SMG6: variants seen among roughly 807,000 people sequenced by gnomAD.
The protein encoded by SMG6 is SMG6 nonsense mediated mRNA decay factor.
A neutral mutation model predicts 142.2 loss-of-function variants in SMG6; 66 were observed. That is an observed-to-expected ratio of 0.46 (90% CI 0.38 to 0.57). The LOEUF is 0.57. Ranked by LOEUF, SMG6 falls within the 20% of genes least tolerant of loss-of-function variation. The pLI is 0.00. For synonymous variants in SMG6, 779 were observed against 702.4 expected (o/e 1.11, Z -1.72); for missense variants, 1,793 against 1,832.0 (o/e 0.98, Z 0.39).
Position 2,299,810 on chromosome 17 carries a change from A to C in SMG6, c.943T>G (p.Leu315Val). 1 of 1,614,110 alleles carries C rather than the reference A, an allele frequency of 6.2e-7. No individual in the cohort carries two copies. The highest frequency in any genetic ancestry group is 8.5e-7 in the Non-Finnish European group (1 of 1,180,014). The change falls in exon 2 of 19, where the codon TTA becomes GTA. Residue 315 changes from leucine to valine, a missense_variant. Transcript: ENST00000263073. The surrounding 1 kb of genome is among the most constrained non-coding windows in gnomAD (Gnocchi z 4.3). ...DEDRIDEPDG[L>V]GPRRSSERKR... Reference sequence around the variant, plus strand: ...CTTTCTGAACTTCTCCTGGGTCCTAATCCATCAGGCTCATCAATTCTGTCC... The same window carrying C: ...CTTTCTGAACTTCTCCTGGGTCCTACTCCATCAGGCTCATCAATTCTGTCC...
chr17:2,159,674 T>C (rs762476507), intron 13 of SMG6, among the ~76,000 whole-genome samples: 3 of 152,198 alleles, frequency 2.0e-5, no homozygotes, highest in Non-Finnish European at 2.9e-5. Context: ...CCTGGATATT[T>C]ATCCAAGAGA....
chr17:2,214,044 G>A (rs1282950655), intron 10 of SMG6: 1 of 152,416 alleles, frequency 6.6e-6, no homozygotes, highest in Admixed American at 6.5e-5. Context: ...GGATGATGGG[G>A]AGAGGACCGG....
At chr17:2,161,831 T>C (rs570294571) in intron 13 of SMG6, among the ~76,000 whole-genome samples, 1 of 152,326 alleles carries the variant, frequency 6.6e-6, no homozygotes, top group South Asian at 2.1e-4. Flanking sequence ...GAGGGAAAGA[T>C]GCTGATAAAT....
chr17:2,206,960 G>T (rs1021175455), intron 10 of SMG6, among the ~76,000 whole-genome samples: 10 of 151,078 alleles, frequency 6.6e-5, no homozygotes, highest in Admixed American at 2.0e-4. Context: ...TTTTTAAAAA[G>T]ATCTATAAAA....
intron 8 of SMG6, among the ~76,000 whole-genome samples, chr17:2,248,453 G>A (rs117542951): frequency 1.6e-3 from 251 of 152,240 alleles, no homozygotes; most frequent in East Asian, 4.6e-3. Flanking sequence ...CAAGAGGTTT[G>A]GAACATCTGT....
At chr17:2,193,336 G>A (rs1238255348) in intron 10 of SMG6, among the ~76,000 whole-genome samples, 1 of 152,196 alleles carries the variant, frequency 6.6e-6, no homozygotes, top group Non-Finnish European at 1.5e-5. Context: ...AAGCCGAAAT[G>A]CTTCCTGTAC....
intron 8 of SMG6, among the ~76,000 whole-genome samples, chr17:2,245,905 C>T (rs2151304163): frequency 6.6e-6 from 1 of 152,290 alleles, no homozygotes; most frequent in East Asian, 1.9e-4. Context: ...GTCTCAAAAT[C>T]CTGGGCTCAA....
chr17:2,126,556 C>A (rs1162380892), intron 13 of SMG6, among the ~76,000 whole-genome samples: 2 of 151,742 alleles, frequency 1.3e-5, no homozygotes, highest in Non-Finnish European at 2.9e-5. Flanking sequence ...GAAACCCCAT[C>A]TCTACTAAAA....
chr17:2,282,929 G>C (rs2074822610), intron 7 of SMG6, 70 bp from the exon 8 acceptor site: 5 of 1,487,696 alleles, frequency 3.4e-6, no homozygotes, highest in African/African-American at 2.8e-5. Context: ...CCAGCACTTA[G>C]AGATGCGGAG....
At chr17:2,204,903 C>T (rs1027225927) in intron 10 of SMG6, among the ~76,000 whole-genome samples, 1 of 152,022 alleles carries the variant, frequency 6.6e-6, no homozygotes, top group South Asian at 2.1e-4. Flanking sequence ...GCAAAAGTTG[C>T]AGTGAGCTGA....
Position 2,188,381 on chromosome 17 carries a change from G to A in SMG6, c.2986+18C>T. On this transcript the variant is annotated intron_variant, in intron 11 of 18. Coordinates refer to ENST00000263073, the MANE Select transcript of SMG6 (RefSeq NM_017575.5). ...GGCAACTGGAAAGCCCACCAGGCTG[G>A]GGACTCCTCCTGCTTACCTTTGGCG... 6.2e-7 allele frequency: 1 copy of A among 1,609,774 alleles called. No individual in the cohort carries two copies. Among genetic ancestry groups the A allele is most frequent in the Non-Finnish European group, 8.5e-7 (1 of 1,176,372 alleles).
chr17:2,200,694 A>G (rs71359149), intron 10 of SMG6, among the ~76,000 whole-genome samples: 5,146 of 152,134 alleles, frequency 0.034, 139 homozygotes, highest in South Asian at 0.13. Context: ...ACACACATAC[A>G]CACAATTTAA....
chr17:2,087,506 A>G (rs916837175), intron 13 of SMG6: 88 of 1,045,368 alleles, frequency 8.4e-5, no homozygotes, highest in Non-Finnish European at 9.8e-5. Context: ...TCTCAAGCTA[A>G]GTACTTTGAC....
intron 13 of SMG6, among the ~76,000 whole-genome samples, chr17:2,152,452 G>A (rs1487169133): frequency 1.3e-5 from 2 of 152,152 alleles, no homozygotes; most frequent in Non-Finnish European, 2.9e-5. Flanking sequence ...CAATGCATTT[G>A]TACCTGACAA....
At chr17:2,217,135 T>C (rs975467318) in intron 10 of SMG6, among the ~76,000 whole-genome samples, 10 of 152,330 alleles carry the variant, frequency 6.6e-5, no homozygotes, top group South Asian at 2.1e-4. Context: ...GTTAAGTAAT[T>C]TGCATAACAC....
At chr17:2,233,893 G>A (rs1441092626) in intron 10 of SMG6, among the ~76,000 whole-genome samples, 1 of 152,182 alleles carries the variant, frequency 6.6e-6, no homozygotes, top group East Asian at 1.9e-4. Context: ...TGGGTACTTG[G>A]CAGCACGTCC....
chr17:2,099,276 G>C (rs150388492), intron 13 of SMG6, among the ~76,000 whole-genome samples: 17 of 151,970 alleles, frequency 1.1e-4, no homozygotes, highest in Non-Finnish European at 1.9e-4. Context: ...CTTCTGTTTG[G>C]GGGGTGCTCC....
intron 8 of SMG6, among the ~76,000 whole-genome samples, chr17:2,277,409 G>A (rs968181391): frequency 2.6e-5 from 4 of 151,728 alleles, no homozygotes; most frequent in Non-Finnish European, 4.4e-5. Context: ...CTCGTGATCC[G>A]CCCGCGTTGG....
At chr17:2,150,181 A>T (rs572017783) in intron 13 of SMG6, among the ~76,000 whole-genome samples, 4 of 152,312 alleles carry the variant, frequency 2.6e-5, no homozygotes, top group African/African-American at 9.6e-5. Context: ...ACAGGAGTGG[A>T]GCGCGAACCC....
Sources: allele counts gnomAD v4.1 joint callset (sites outside exome capture counted in the v4.1 genomes callset), GRCh38; gene constraint gnomAD v4.1.1; non-coding constraint Gnocchi (gnomAD v3.1); transcripts MANE v1.5; gene names NCBI Gene and HGNC (gene_info 2026-07-23, HGNC 2026-07-21).